Variants in CHD5 observed in about 807,000 individuals in gnomAD.
CHD5 encodes the protein chromodomain helicase DNA binding protein 5.
A neutral mutation model predicts 230.3 loss-of-function variants in CHD5; 69 were observed. That is an observed-to-expected ratio of 0.30 (90% confidence interval 0.25 to 0.37). The LOEUF is 0.37. CHD5 is among the 10% of genes least tolerant of loss of function. The probability of loss-of-function intolerance (pLI) is 1.00; values close to 1 mark genes in which losing one functional copy is unlikely to be tolerated. For synonymous variants in CHD5, 1,064 were observed against 1,065.9 expected (o/e 1.00, Z 0.03); for missense variants, 1,827 against 2,622.8 (o/e 0.70, Z 6.63).
At chr1:6,151,212 G>A (rs1667002735) in intron 6 of CHD5, 57 bp from the exon 7 acceptor site, 2 of 1,543,494 alleles carry the variant, frequency 1.3e-6, no homozygotes, top group East Asian at 2.4e-5. Context: ...GGCTTCGCTG[G>A]CCCAGGCAGT....
intron 7 of CHD5, among the ~76,000 whole-genome samples, chr1:6,149,683 T>C (rs1473745968): frequency 6.6e-6 from 1 of 150,502 alleles, no homozygotes; most frequent in Non-Finnish European, 1.5e-5. Context: ...GATAGACAAA[T>C]GGATGGATAG....
rs1431494456 is a variant in CHD5, at chr1:6,105,037, C to T, written c.*437G>A. The T allele has an allele frequency of 4.3e-5, 11 of 257,358 alleles. No individual in the cohort carries two copies. The highest frequency in any genetic ancestry group is 3.1e-5 in the Non-Finnish European group (4 of 131,112). The allele number at this position is 257,358 out of a possible 1,614,324, so 15.9% of individuals were successfully genotyped here. On this transcript the variant is annotated 3_prime_UTR_variant, in exon 42 of 42. Transcript: ENST00000262450. This position sits in a 1 kb window ranked among gnomAD's most constrained non-coding sequence, Gnocchi z 4.8. ...GTCCACAGGGCAGTGCCAGGACTAC[C>T]TTGGGTCTGGAACCCATCGGTAAAG...
intron 3 of CHD5, among the ~76,000 whole-genome samples, chr1:6,157,017 C>T (rs1040038185): frequency 4.6e-5 from 7 of 152,358 alleles, no homozygotes; most frequent in Non-Finnish European, 7.3e-5. Flanking sequence ...TGGCACACTG[C>T]CTTGCAGAAC....
chr1:6,128,109 G>A lies in CHD5; in HGVS notation c.3840C>T (p.Asn1280=), dbSNP rs1373196089. The A allele has an allele frequency of 6.2e-7, 1 of 1,614,010 alleles. No individual in the cohort carries two copies. The highest frequency in any genetic ancestry group is 1.7e-5 in the Admixed American group (1 of 59,984). Residue 1280 remains asparagine, a synonymous_variant, in exon 25 of 42, where the codon AAC becomes AAT. Transcript: ENST00000262450. The surrounding 1 kb of genome is among the most constrained non-coding windows in gnomAD (Gnocchi z 7.8). ...TGAAGGAGCTCAGGTACTCGTTCATGTTCTGTAGCTCCGTGTCATCTGTAG... is the reference window on the plus strand; with the variant it reads ...TGAAGGAGCTCAGGTACTCGTTCATATTCTGTAGCTCCGTGTCATCTGTAG... ...QDATDDTELQ[N]MNEYLSSFKV... is the part of the protein sequence containing the mutation.
chr1:6,136,490 C>G, intron 17 of CHD5, 27 bp downstream of exon 17: 2 of 1,609,444 alleles, frequency 1.2e-6, no homozygotes, highest in Non-Finnish European at 1.7e-6. Context: ...CCACCACCAC[C>G]TCCCTAGCCA....
At chr1:6,144,840 G>T (rs1054254342) in intron 11 of CHD5, among the ~76,000 whole-genome samples, 2 of 152,206 alleles carry the variant, frequency 1.3e-5, no homozygotes, top group African/African-American at 4.8e-5. Flanking sequence ...CGGCTGCTGC[G>T]GGCCTGGGAA....
chr1:6,152,139 C>A (rs1667017070), intron 6 of CHD5, among the ~76,000 whole-genome samples: 1 of 152,164 alleles, frequency 6.6e-6, no homozygotes, highest in Non-Finnish European at 1.5e-5. Flanking sequence ...GACTGAGCTC[C>A]CACTCAGGAG....
Position 6,112,181 on chromosome 1 carries a change from T to G in CHD5, c.5099A>C (p.Lys1700Thr). ...DEGKKEDKKG[K>T]FKFMFNIADG... is the part of the protein sequence containing the mutation. ...CGCGATGTTGAACATGAACTTGAAT[T>G]TCCCCTTCTTGTCCTCCTTCTTCCC... Residue 1700 changes from lysine to threonine, a missense_variant, in exon 35 of 42, where the codon AAA (lysine) becomes ACA (threonine). Transcript: ENST00000262450. The G allele has an allele frequency of 6.2e-7, 1 of 1,614,134 alleles. No homozygotes were observed. The highest frequency in any genetic ancestry group is 1.1e-5 in the South Asian group (1 of 91,078).
Position 6,113,253 on chromosome 1 carries a change from T to A in CHD5, c.4913-255A>T, listed in dbSNP as rs570147645. The A allele has an allele frequency of 2.2e-4, 102 of 471,654 alleles. No individual in the cohort carries two copies. The East Asian group carries it at 3.1e-3, about 14-fold the overall frequency. The allele number at this position is 471,654 out of a possible 1,614,324, so 29.2% of individuals were successfully genotyped here. On this transcript the variant is annotated intron_variant, in intron 33 of 41. Transcript: ENST00000262450. ...AGCCTGGCAACATAGTGAAATCTCATCTCTACAAAAAATACAACAACTTAG... is the reference window on the plus strand; with the variant it reads ...AGCCTGGCAACATAGTGAAATCTCAACTCTACAAAAAATACAACAACTTAG...
At position 6,128,406 on chromosome 1, in the gene CHD5, C is replaced by CT. The variant is rs373423958; in HGVS notation, c.3730+92_3730+93insA. 1,080 of 1,191,476 alleles carry CT rather than the reference C, an allele frequency of 9.1e-4. 7 individuals are homozygous for CT. The African/African-American group carries it at 0.014, about 15-fold the overall frequency. 73.8% of individuals were successfully genotyped at this position (1,191,476 alleles called of 1,614,324 possible). A position where few individuals can be genotyped will look rare whatever the true frequency, so the allele number is the denominator to read the frequency against. ...CGCCGCCCACCTGGCAGTCCCAGGACGCCCAAGTGAGGGCAGGTCAGGGAA... is the reference window on the plus strand; with the variant it reads ...CGCCGCCCACCTGGCAGTCCCAGGACTGCCCAAGTGAGGGCAGGTCAGGGAA... On this transcript the variant is annotated intron_variant, in intron 24 of 41. Coordinates refer to ENST00000262450, the MANE Select transcript of CHD5 (RefSeq NM_015557.3). The surrounding 1 kb of genome is among the most constrained non-coding windows in gnomAD (Gnocchi z 7.8).
Position 6,155,570 on chromosome 1 carries a change from C to A in CHD5, c.506+29G>T. 6.4e-7 allele frequency: 1 copy of A among 1,570,332 alleles called. No individual in the cohort carries two copies. The highest frequency in any genetic ancestry group is 8.8e-7 in the Non-Finnish European group (1 of 1,140,474). On this transcript the variant is annotated intron_variant, in intron 4 of 41. Coordinates refer to ENST00000262450, the MANE Select transcript of CHD5 (RefSeq NM_015557.3). The surrounding 1 kb of genome is among the most constrained non-coding windows in gnomAD (Gnocchi z 4.0). Reference sequence around the variant, plus strand: ...TGGTACCACCAGAGGATGTGCGGGCCTGGAGAACAGCCCTAGTGCCCCGCC... The same window carrying A: ...TGGTACCACCAGAGGATGTGCGGGCATGGAGAACAGCCCTAGTGCCCCGCC...
At chr1:6,160,186 C>T (rs1251608911) in intron 2 of CHD5, among the ~76,000 whole-genome samples, 11 of 91,440 alleles carry the variant, frequency 1.2e-4, no homozygotes, top group Non-Finnish European at 1.8e-4. Flanking sequence ...GGGAAGGGCC[C>T]CAGCCAGAGA....
intron 2 of CHD5, among the ~76,000 whole-genome samples, chr1:6,164,609 A>C (rs1272260547): frequency 6.6e-6 from 1 of 152,034 alleles, no homozygotes; most frequent in East Asian, 1.9e-4. Context: ...GGAGGCAGAG[A>C]GGGGCAGAGG....
Position 6,149,050 on chromosome 1 carries a change from G to C in CHD5, c.1187C>G (p.Pro396Arg), listed in dbSNP as rs776199928. The C allele has an allele frequency of 6.4e-7, 1 of 1,566,586 alleles. No homozygotes were observed. Among genetic ancestry groups the C allele is most frequent in the Non-Finnish European group, 8.6e-7 (1 of 1,157,002 alleles). ...HCEKEGIQWE[P>R]KDDDDEEEEG... ...CTCCTCTTCATCGTCGTCGTCCTTC[G>C]GCTCCCACTGGATCCCCTCCTTCTC... Residue 396 changes from proline (P) to arginine (R), a missense_variant, in exon 9 of 42, where the codon CCG (proline) becomes CGG (arginine). Physicochemically the swap from Pro to Arg is moderately radical, Grantham distance 103 (BLOSUM62 -2). This residue lies in a region of CHD5 where 657 missense variants were observed against 816.4 expected (regional missense o/e 0.80). Transcript: ENST00000262450.
intron 3 of CHD5, among the ~76,000 whole-genome samples, chr1:6,158,963 C>T (rs1173152344): frequency 1.5e-5 from 2 of 135,514 alleles, no homozygotes; most frequent in African/African-American, 3.0e-5. Flanking sequence ...GCCGAGATCC[C>T]GCCACTGCAC....
chr1:6,106,268 T>A lies in CHD5; in HGVS notation c.*12A>T, dbSNP rs1557533077. ...AAATGAGCGCTGCAACACAGGGAAGTCTCGAGGACGGCTAGATATCTGTCA... is the reference window on the plus strand; with the variant it reads ...AAATGAGCGCTGCAACACAGGGAAGACTCGAGGACGGCTAGATATCTGTCA... On this transcript the variant is annotated 3_prime_UTR_variant, in exon 41 of 42. Coordinates refer to ENST00000262450, the MANE Select transcript of CHD5 (RefSeq NM_015557.3). 21 of 1,612,414 alleles carry A rather than the reference T, an allele frequency of 1.3e-5. No individual in the cohort carries two copies. Among genetic ancestry groups the A allele is most frequent in the Non-Finnish European group, 1.8e-5 (21 of 1,179,904 alleles).
Position 6,101,865 on chromosome 1 carries a change from G to T in CHD5, c.*3609C>A. The T allele has an allele frequency of 3.4e-6, 1 of 290,224 alleles. No homozygotes were observed. Among genetic ancestry groups the T allele is most frequent in the South Asian group, 2.5e-5 (1 of 40,616 alleles). 18.0% of individuals were successfully genotyped at this position (290,224 alleles called of 1,614,324 possible). ...CAGAGTACAAAGTAAAGGTGATTGT[G>T]TTGGCTACAGCCTCTGTCCAGCCTC... is the stretch of plus-strand genomic sequence containing the variant. On this transcript the variant is annotated 3_prime_UTR_variant, in exon 42 of 42. Coordinates refer to ENST00000262450, the MANE Select transcript of CHD5 (RefSeq NM_015557.3).
At chr1:6,145,124 T>C (rs1239585598) in intron 11 of CHD5, among the ~76,000 whole-genome samples, 1 of 151,750 alleles carries the variant, frequency 6.6e-6, no homozygotes, top group Non-Finnish European at 1.5e-5. Flanking sequence ...AAGGGGGGTG[T>C]CCCATAGTTG....
chr1:6,152,373 T>C (rs1355121160), intron 6 of CHD5, 39 bp downstream of exon 6: 1 of 1,592,336 alleles, frequency 6.3e-7, no homozygotes, highest in Non-Finnish European at 8.6e-7. Flanking sequence ...CACACATGCA[T>C]GCAAATGCAC....
Sources: gnomAD v4.1 joint callset for allele counts (sites outside exome capture counted in the v4.1 genomes callset) on GRCh38, gnomAD v4.1.1 for gene constraint, gnomAD v4.1.1 regional missense constraint, Gnocchi (gnomAD v3.1) non-coding constraint, MANE v1.5 for transcripts, NCBI Gene and HGNC (gene_info 2026-07-23, HGNC 2026-07-21) for gene names.